Variants in CCDC85C observed in about 807,000 individuals in gnomAD.
The protein encoded by CCDC85C is coiled-coil domain-containing protein 85C.
CCDC85C carries 18 observed loss-of-function variants against 38.3 expected under a neutral mutation model. The ratio of observed to expected loss-of-function variants is 0.47; its 90% CI spans 0.33 to 0.70. The LOEUF (loss-of-function observed/expected upper bound fraction) is 0.70, where lower values mean the gene tolerates loss of function less well. Among genes scored for constraint, CCDC85C ranks in the 30% least tolerant of loss-of-function variants. The pLI is 0.03. For missense variants in CCDC85C, 566 were observed against 621.2 expected (o/e 0.91, Z 0.94); for synonymous variants, 264 against 293.8 (o/e 0.90, Z 1.04).
In CCDC85C at chr14:99,572,603, T is replaced by G; in HGVS notation, c.793+30564A>C. On this transcript the variant is annotated intron_variant, in intron 1 of 5. Coordinates refer to ENST00000380243, the MANE Select transcript of CCDC85C (RefSeq NM_001144995.2). The surrounding 1 kb of genome is among the most constrained non-coding windows in gnomAD (Gnocchi z 4.4). ...TCCGGGAAAGCTCTGACATCTGTCCTTTGCTGGAAACCTTCCAGGGACGAC... is the reference window on the plus strand; with the variant it reads ...TCCGGGAAAGCTCTGACATCTGTCCGTTGCTGGAAACCTTCCAGGGACGAC... 2.2e-6 allele frequency: 1 copy of G among 449,014 alleles called. No homozygotes were observed. Among genetic ancestry groups the G allele is most frequent in the Non-Finnish European group, 4.5e-6 (1 of 222,924 alleles). The allele number at this position is 449,014 out of a possible 1,614,324, so 27.8% of individuals were successfully genotyped here. A position where few individuals can be genotyped will look rare whatever the true frequency, so the allele number is the denominator to read the frequency against.
intron 1 of CCDC85C, among the ~76,000 whole-genome samples, chr14:99,581,290 C>A (rs1436576748): frequency 6.6e-6 from 1 of 152,230 alleles, no homozygotes; most frequent in Non-Finnish European, 1.5e-5. Flanking sequence ...CAACCCAGAG[C>A]CCCGTGAACA....
chr14:99,526,807 CAGCT>C lies in CCDC85C; in HGVS notation c.868-4571_868-4568del, dbSNP rs539033243. Among the ~76,000 whole-genome samples, 63 of 152,348 alleles carry C rather than the reference CAGCT, an allele frequency of 4.1e-4. 1 individual carries two copies. In the South Asian group the frequency reaches 0.013, roughly 31 times the overall value. On this transcript the variant is annotated intron_variant, in intron 2 of 5. Transcript: ENST00000380243. ...GAAGTGCTGGAAGACAGTGCACCCT[CAGCT>C]GGCTGGGCTGGGGGACCCACCTGGA...
chr14:99,575,288 A>T (rs537362171), intron 1 of CCDC85C, among the ~76,000 whole-genome samples: 33 of 152,260 alleles, frequency 2.2e-4, no homozygotes, highest in Admixed American at 1.1e-3. Flanking sequence ...GCCCTCAGGA[A>T]CCTGGGAGAG....
Position 99,516,431 on chromosome 14 carries a change from A to C in CCDC85C, c.1072-145T>G. 1.6e-6 allele frequency: 1 copy of C among 627,146 alleles called. No individual in the cohort carries two copies. Among genetic ancestry groups the C allele is most frequent in the Non-Finnish European group, 2.8e-6 (1 of 354,664 alleles). The allele number at this position is 627,146 out of a possible 1,614,324, so 38.8% of individuals were successfully genotyped here. On this transcript the variant is annotated intron_variant, in intron 4 of 5. Transcript: ENST00000380243. The surrounding 1 kb of genome is among the most constrained non-coding windows in gnomAD (Gnocchi z 5.5). ...TGGGCCCCTGGGGACAAGCGTGGAA[A>C]AAACTGAGGGGCAGGTTGTCATCTC...
intron 1 of CCDC85C, among the ~76,000 whole-genome samples, chr14:99,598,505 T>C (rs1309005460): frequency 1.3e-5 from 2 of 152,166 alleles, no homozygotes; most frequent in African/African-American, 4.8e-5. Flanking sequence ...ACAGCCATCG[T>C]AGGGAAGGTG....
At position 99,501,787 on chromosome 14, in the gene CCDC85C, G is replaced by A. The variant is rs1290888992; in HGVS notation, c.*13459C>T. 3.0e-5 allele frequency: 7 copies of A among 235,424 alleles called. No homozygotes were observed. Among genetic ancestry groups the A allele is most frequent in the Non-Finnish European group, 5.7e-5 (7 of 122,476 alleles). 14.6% of individuals were successfully genotyped at this position (235,424 alleles called of 1,614,324 possible). On this transcript the variant is annotated 3_prime_UTR_variant, in exon 6 of 6. Transcript: ENST00000380243. ...TTTGAGAGGCCAGGGATCTAATGAG[G>A]GGCCGTGGTGGGAAACAGAATGCCT... is the stretch of plus-strand genomic sequence containing the variant.
At chr14:99,582,945 C>T (rs2054989164) in intron 1 of CCDC85C, 1 of 152,154 alleles carries the variant, frequency 6.6e-6, no homozygotes, top group African/African-American at 2.4e-5. Flanking sequence ...TAATAGGGGA[C>T]ACTGGGCGCA....
chr14:99,537,766 C>G (rs1595349887), intron 1 of CCDC85C, among the ~76,000 whole-genome samples: 1 of 152,192 alleles, frequency 6.6e-6, no homozygotes, highest in African/African-American at 2.4e-5. Flanking sequence ...TCCCTGGCCT[C>G]AGTTTACTCA....
intron 1 of CCDC85C, among the ~76,000 whole-genome samples, chr14:99,599,649 G>A (rs1394764764): frequency 1.3e-5 from 2 of 152,120 alleles, no homozygotes; most frequent in African/African-American, 4.8e-5. Context: ...CAACACTTTG[G>A]GAGGCCAAGG....
chr14:99,592,862 C>T (rs1280165348), intron 1 of CCDC85C, among the ~76,000 whole-genome samples: 1 of 151,988 alleles, frequency 6.6e-6, no homozygotes, highest in African/African-American at 2.4e-5. Context: ...GGGAGGTCCC[C>T]CAGGAGGGGC....
At chr14:99,551,305 G>C in intron 1 of CCDC85C, among the ~76,000 whole-genome samples, 1 of 152,206 alleles carries the variant, frequency 6.6e-6, no homozygotes, top group East Asian at 1.9e-4. Flanking sequence ...CGGGATTGGA[G>C]GCAGTGGGGG....
intron 1 of CCDC85C, among the ~76,000 whole-genome samples, chr14:99,599,282 GGC>G (rs1381231127): frequency 6.6e-6 from 1 of 152,118 alleles, no homozygotes; most frequent in African/African-American, 2.4e-5. Flanking sequence ...CTCATGCACA[GGC>G]TTGCTAGAAT....
chr14:99,532,439 C>A (rs1897510759), intron 2 of CCDC85C, among the ~76,000 whole-genome samples: 1 of 152,242 alleles, frequency 6.6e-6, no homozygotes, highest in Non-Finnish European at 1.5e-5. Flanking sequence ...CAGGCAGGAA[C>A]AAGGGTGAGA....
intron 3 of CCDC85C, among the ~76,000 whole-genome samples, chr14:99,521,814 C>T (rs987926324): frequency 6.6e-6 from 1 of 152,242 alleles, no homozygotes; most frequent in African/African-American, 2.4e-5. Flanking sequence ...GAACCCCAAG[C>T]TCCAGGGCTG....
At chr14:99,552,385 G>C (rs8008699) in intron 1 of CCDC85C, among the ~76,000 whole-genome samples, 5,208 of 152,336 alleles carry the variant, frequency 0.034, 142 homozygotes, top group Non-Finnish European at 0.049. Context: ...CTTGCAGGGA[G>C]GGGGAGGCGC....
At position 99,535,899 on chromosome 14, in the gene CCDC85C, A is replaced by G; in HGVS notation, c.867+116T>C. The stretch of plus-strand genomic sequence containing the variant: ...CACTTTCCAGGAGGTGACAGGTGGC[A>G]GTGGGAGCAGTTGGGGGGACAGCCT... On this transcript the variant is annotated intron_variant, in intron 2 of 5. Coordinates refer to ENST00000380243, the MANE Select transcript of CCDC85C (RefSeq NM_001144995.2). This position sits in a 1 kb window ranked among gnomAD's most constrained non-coding sequence, Gnocchi z 5.5. 1.4e-6 allele frequency: 1 copy of G among 740,130 alleles called. No homozygotes were observed. Among genetic ancestry groups the G allele is most frequent in the Non-Finnish European group, 2.3e-6 (1 of 430,798 alleles). 45.8% of individuals were successfully genotyped at this position (740,130 alleles called of 1,614,324 possible). A position where few individuals can be genotyped will look rare whatever the true frequency, so the allele number is the denominator to read the frequency against.
Position 99,510,268 on chromosome 14 carries a change from TGCA to T in CCDC85C, c.*4975_*4977del. On this transcript the variant is annotated 3_prime_UTR_variant, in exon 6 of 6. Transcript: ENST00000380243. ...CCCCCTCCGGCCCACCCGGCCCCTGTGCACCAGCCACCGCCGCTGCCACACCGG... is the reference window on the plus strand; with the variant it reads ...CCCCCTCCGGCCCACCCGGCCCCTGTCCAGCCACCGCCGCTGCCACACCGG... 7.6e-7 allele frequency: 1 copy of T among 1,323,860 alleles called. No individual in the cohort carries two copies. Among genetic ancestry groups the T allele is most frequent in the Non-Finnish European group, 1.0e-6 (1 of 984,464 alleles). 82.0% of individuals were successfully genotyped at this position (1,323,860 alleles called of 1,614,324 possible). A position where few individuals can be genotyped will look rare whatever the true frequency, so the allele number is the denominator to read the frequency against.
intron 2 of CCDC85C, chr14:99,534,636 C>T: frequency 1.4e-6 from 1 of 702,374 alleles, no homozygotes; most frequent in East Asian, 2.7e-5. Flanking sequence ...AAGCCATGAC[C>T]TTCTCCTGGT....
intron 2 of CCDC85C, among the ~76,000 whole-genome samples, chr14:99,524,697 T>C (rs1475487381): frequency 6.6e-6 from 1 of 152,242 alleles, no homozygotes; most frequent in East Asian, 1.9e-4. Context: ...GACAGGTCGC[T>C]GCCTTTGCAG....
Sources: allele counts gnomAD v4.1 joint callset (sites outside exome capture counted in the v4.1 genomes callset), GRCh38; gene constraint gnomAD v4.1.1; non-coding constraint Gnocchi (gnomAD v3.1); transcripts MANE v1.5; gene names NCBI Gene and HGNC (gene_info 2026-07-23, HGNC 2026-07-21).